Variants in PPP2R1A observed in about 807,000 individuals in gnomAD.
PPP2R1A encodes the protein protein phosphatase 2 scaffold subunit Aalpha.
In PPP2R1A, 15 loss-of-function variants were observed where a neutral mutation model predicts 67.1. That is an observed-to-expected ratio of 0.22 (90% CI 0.15 to 0.34). The LOEUF is 0.34. PPP2R1A is among the 10% of genes least tolerant of loss of function. PPP2R1A has a pLI of 1.00. For missense variants in PPP2R1A, 369 were observed against 775.0 expected (o/e 0.48, Z 6.22); for synonymous variants, 337 against 325.0 (o/e 1.04, Z -0.40).
At chr19:52,210,783 C>G (rs190791853) in intron 3 of PPP2R1A, among the ~76,000 whole-genome samples, 1 of 152,184 alleles carries the variant, frequency 6.6e-6, no homozygotes, top group Admixed American at 6.5e-5. Flanking sequence ...TGAGCCACTG[C>G]GCCCGGCCCG....
chr19:52,220,014 C>A, intron 10 of PPP2R1A, 150 bp downstream of exon 10: 1 of 1,229,536 alleles, frequency 8.1e-7, no homozygotes, highest in Non-Finnish European at 1.1e-6. Context: ...GGAAATAGGG[C>A]CTTAAAAGAT....
At chr19:52,209,151 A>G (rs2122323048) in intron 3 of PPP2R1A, among the ~76,000 whole-genome samples, 1 of 152,254 alleles carries the variant, frequency 6.6e-6, no homozygotes, top group South Asian at 2.1e-4. Context: ...CCTACAGGAG[A>G]AGAGAACCTT....
At chr19:52,218,925 GGT>G (rs1453731442) in intron 9 of PPP2R1A, among the ~76,000 whole-genome samples, 1 of 152,122 alleles carries the variant, frequency 6.6e-6, no homozygotes, top group African/African-American at 2.4e-5. Flanking sequence ...TGGTTTTCTT[GGT>G]GTGAGGAATT....
chr19:52,215,655 G>A, intron 6 of PPP2R1A, 124 bp from the exon 7 acceptor site: 1 of 728,638 alleles, frequency 1.4e-6, no homozygotes, highest in Non-Finnish European at 2.3e-6. Flanking sequence ...TTAGATTTTA[G>A]CACTGCTTCC....
At chr19:52,190,578 C>T (rs1348738791) in intron 1 of PPP2R1A, among the ~76,000 whole-genome samples, 1 of 152,166 alleles carries the variant, frequency 6.6e-6, no homozygotes, top group Non-Finnish European at 1.5e-5. Flanking sequence ...CCGGGTGGGT[C>T]GGGACCTGGG....
rs1488629947 is a variant in PPP2R1A at position 52,211,216 on chromosome 19, TGGTGGAGAG to T, written c.271-41_271-33del. On this transcript the variant is annotated intron_variant, in intron 3 of 14. Transcript: ENST00000322088. The surrounding 1 kb of genome is among the most constrained non-coding windows in gnomAD (Gnocchi z 5.3). ...CAGGATGGGGCTCCAGGGCTGCGGA[TGGTGGAGAG>T]GGAGCTGTCCAGTGACTTTGTGTTC... The T allele has an allele frequency of 1.9e-6, 3 of 1,577,906 alleles. No individual in the cohort carries two copies. Among genetic ancestry groups the T allele is most frequent in the Non-Finnish European group, 2.6e-6 (3 of 1,156,208 alleles).
intron 2 of PPP2R1A, among the ~76,000 whole-genome samples, chr19:52,205,340 GCTGT>G (rs1175509855): frequency 2.0e-5 from 3 of 152,272 alleles, no homozygotes; most frequent in South Asian, 4.1e-4. Context: ...AACCTGAATT[GCTGT>G]CTGTCTGTGC....
At chr19:52,192,494 A>G (rs528870376) in intron 1 of PPP2R1A, among the ~76,000 whole-genome samples, 2 of 152,102 alleles carry the variant, frequency 1.3e-5, no homozygotes, top group South Asian at 4.2e-4. Flanking sequence ...GTGTGTTTTT[A>G]GAAGAGACTG....
intron 2 of PPP2R1A, 97 bp downstream of exon 2, chr19:52,202,131 G>C: frequency 1.9e-6 from 2 of 1,046,698 alleles, no homozygotes; most frequent in South Asian, 1.3e-5. Context: ...TATTGTTTGT[G>C]AATATCTGCC....
Position 52,219,673 on chromosome 19 carries a change from C to T in PPP2R1A, c.1129-18C>T. ...GTGTGCATTGCATTCTCTCAGAATC[C>T]TTCTTTCCTCTCCTCAGTGCCCTGA... On this transcript the variant is annotated intron_variant, in intron 9 of 14. Coordinates refer to ENST00000322088, the MANE Select transcript of PPP2R1A (RefSeq NM_014225.6). The surrounding 1 kb of genome is among the most constrained non-coding windows in gnomAD (Gnocchi z 4.0). 2 of 1,599,776 alleles carry T rather than the reference C, an allele frequency of 1.3e-6. No individual in the cohort carries two copies. The highest frequency in any genetic ancestry group is 2.2e-5 in the South Asian group (2 of 89,938).
chr19:52,207,150 G>C (rs2089612260), intron 3 of PPP2R1A, among the ~76,000 whole-genome samples: 1 of 152,186 alleles, frequency 6.6e-6, no homozygotes, highest in Non-Finnish European at 1.5e-5. Context: ...ACAGAAAATT[G>C]TATACAAATA....
rs1454175563 is a variant in PPP2R1A at position 52,225,514 on chromosome 19, A to T, written c.1662-203A>T. On this transcript the variant is annotated intron_variant, in intron 13 of 14. Transcript: ENST00000322088. The stretch of plus-strand genomic sequence containing the variant: ...GCTGTTTTGAAATATGCAAAATGTT[A>T]TTATTAACTATGGTCACCCGCCTGT... Among the ~76,000 whole-genome samples the T allele has an allele frequency of 2.0e-5, 3 of 152,076 alleles. No individual in the cohort carries two copies. In the East Asian group the frequency reaches 5.8e-4, roughly 29 times the overall value.
At chr19:52,207,952 TGGA>T (rs2089622046) in intron 3 of PPP2R1A, among the ~76,000 whole-genome samples, 1 of 152,122 alleles carries the variant, frequency 6.6e-6, no homozygotes, top group South Asian at 2.1e-4. Context: ...GAAGGCTTCC[TGGA>T]GGAGGTGGCT....
chr19:52,203,568 CTG>C (rs1047023495), intron 2 of PPP2R1A, among the ~76,000 whole-genome samples: 7 of 152,096 alleles, frequency 4.6e-5, no homozygotes, highest in African/African-American at 1.4e-4. Context: ...AGGGAAAACT[CTG>C]TGACTTTCCT....
chr19:52,202,975 C>T (rs2089566771), intron 2 of PPP2R1A, among the ~76,000 whole-genome samples: 1 of 152,186 alleles, frequency 6.6e-6, no homozygotes. Flanking sequence ...ACAGACTGGA[C>T]CACAATTAAT....
In PPP2R1A at chr19:52,216,063, C is replaced by T; in HGVS notation, c.982C>T (p.Pro328Ser). The T allele has an allele frequency of 6.2e-7, 1 of 1,613,482 alleles. No homozygotes were observed. Among genetic ancestry groups the T allele is most frequent in the Non-Finnish European group, 8.5e-7 (1 of 1,179,450 alleles). ...GAATGTGATCATGTCCCAGATCTTG[C>T]CCTGCATCAAGGTAACAGAGAGTTT... ...RENVIMSQIL[P>S]CIKELVSDAN... The change falls in exon 8 of 15, where the codon CCC (proline) becomes TCC (serine). Residue 328 changes from proline to serine, a missense_variant. Around this residue, in one of 2 missense-constraint regions of PPP2R1A, gnomAD observed 276 missense variants for 508.4 expected, o/e 0.54. Transcript: ENST00000322088. The surrounding 1 kb of genome is among the most constrained non-coding windows in gnomAD (Gnocchi z 4.3).
Position 52,225,716 on chromosome 19 carries a change from G to A in PPP2R1A, c.1662-1G>A. 6.2e-7 allele frequency: 1 copy of A among 1,614,002 alleles called. No individual in the cohort carries two copies. Among genetic ancestry groups the A allele is most frequent in the South Asian group, 1.1e-5 (1 of 91,080 alleles). On this transcript the variant is annotated splice_acceptor_variant, in intron 13 of 14. Coordinates refer to ENST00000322088, the MANE Select transcript of PPP2R1A (RefSeq NM_014225.6). LOFTEE classifies it high-confidence loss of function. ...TCTCCCTGTCTCCTTTCGCTTTCCAGCACCTTGCAGAGTGAAGTCAAGCCC... is the reference window on the plus strand; with the variant it reads ...TCTCCCTGTCTCCTTTCGCTTTCCAACACCTTGCAGAGTGAAGTCAAGCCC...
chr19:52,224,620 T>G (rs997368349), intron 13 of PPP2R1A, among the ~76,000 whole-genome samples: 1 of 152,236 alleles, frequency 6.6e-6, no homozygotes, highest in Non-Finnish European at 1.5e-5. Context: ...CCTGCTCTGA[T>G]CTCCCTGTTT....
intron 3 of PPP2R1A, among the ~76,000 whole-genome samples, chr19:52,208,927 T>C (rs1295861336): frequency 1.3e-5 from 2 of 152,176 alleles, no homozygotes; most frequent in Non-Finnish European, 2.9e-5. Flanking sequence ...GGTCTCCAGG[T>C]TTGAGAACCC....
Sources: gnomAD v4.1 joint callset for allele counts (sites outside exome capture counted in the v4.1 genomes callset) on GRCh38, gnomAD v4.1.1 for gene constraint, gnomAD v4.1.1 regional missense constraint, Gnocchi (gnomAD v3.1) non-coding constraint, MANE v1.5 for transcripts, NCBI Gene and HGNC (gene_info 2026-07-23, HGNC 2026-07-21) for gene names.